The following C1orf94 variants were observed in gnomAD, a reference collection of about 807,000 sequenced individuals.
C1orf94 encodes the protein uncharacterized protein C1orf94.
In C1orf94, 45 loss-of-function variants were observed where a neutral mutation model predicts 53.6. That is an observed-to-expected ratio of 0.84 (90% CI 0.66 to 1.08). C1orf94 has a LOEUF of 1.08. C1orf94 is among the 50% of genes least tolerant of loss of function. C1orf94 has a pLI of 0.00. For missense variants in C1orf94, 762 were observed against 738.9 expected (o/e 1.03, Z -0.36); for synonymous variants, 304 against 296.1 (o/e 1.03, Z -0.27).
chr1:34,216,183 TC>T (rs1362810537), intron 6 of C1orf94, among the ~76,000 whole-genome samples: 1 of 152,116 alleles, frequency 6.6e-6, no homozygotes, highest in Non-Finnish European at 1.5e-5. Flanking sequence ...AGTCTGGAAC[TC>T]AGGGGAGAGG....
Position 34,181,335 on chromosome 1 carries a change from C to T in C1orf94, c.320+3226C>T, listed in dbSNP as rs565536876. 7.9e-5 allele frequency among the ~76,000 whole-genome samples: 12 copies of T among 152,262 alleles called. No individual in the cohort carries two copies. The South Asian group carries it at 2.5e-3, about 32-fold the overall frequency. On this transcript the variant is annotated intron_variant, in intron 1 of 6. Transcript: ENST00000488417. ...CTTGTGGCAGTGTAACTTTGAAAGC[C>T]AAGTACAATAATCCAGGGGTGATCC...
intron 4 of C1orf94, among the ~76,000 whole-genome samples, chr1:34,204,525 TG>T (rs1251561981): frequency 6.6e-6 from 1 of 152,190 alleles, no homozygotes; most frequent in African/African-American, 2.4e-5. Context: ...ACACAGGTCT[TG>T]AAATGTCCTG....
At position 34,194,148 on chromosome 1, in the gene C1orf94, C is replaced by G. The variant is rs80034814; in HGVS notation, c.321-3077C>G. ...CCTGTGAGGAAAAGTTGTGCAGAGG[C>G]ACATATGGGTGCATCGTAACTAAGA... On this transcript the variant is annotated intron_variant, in intron 1 of 6. Coordinates refer to ENST00000488417, the MANE Select transcript of C1orf94 (RefSeq NM_001134734.2). Among the ~76,000 whole-genome samples the G allele has an allele frequency of 6.9e-3, 1,044 of 152,262 alleles. 13 individuals are homozygous for G. The highest frequency in any genetic ancestry group is 0.024 in the African/African-American group (998 of 41,550).
chr1:34,183,620 C>T (rs771939018), intron 1 of C1orf94, among the ~76,000 whole-genome samples: 11 of 152,020 alleles, frequency 7.2e-5, no homozygotes, highest in Non-Finnish European at 1.5e-4. Flanking sequence ...TTTGGGAGGC[C>T]GAGGTGGGTG....
rs530748348 is a variant in C1orf94, at chr1:34,209,502, C to T, written c.1524+1268C>T. 2.0e-5 allele frequency among the ~76,000 whole-genome samples: 3 copies of T among 152,232 alleles called. No homozygotes were observed. In the East Asian group the frequency reaches 5.8e-4, roughly 29 times the overall value. On this transcript the variant is annotated intron_variant, in intron 5 of 6. Coordinates refer to ENST00000488417, the MANE Select transcript of C1orf94 (RefSeq NM_001134734.2). ...GCAGAGGGCACCAACACCCAGCCTG[C>T]CATAGCACCAGGCTGGCCTTGCTCC...
At chr1:34,208,097 C>G in intron 4 of C1orf94, 60 bp from the exon 5 acceptor site, 1 of 1,536,470 alleles carries the variant, frequency 6.5e-7, no homozygotes, top group South Asian at 1.1e-5. Flanking sequence ...AGCTGAGTAG[C>G]TGATGCCTTC....
At chr1:34,195,776 G>T (rs570335291) in intron 1 of C1orf94, among the ~76,000 whole-genome samples, 3 of 136,606 alleles carry the variant, frequency 2.2e-5, no homozygotes, top group Admixed American at 1.5e-4. Flanking sequence ...GTTTCTGTTC[G>T]TGGGTGTGTG....
intron 6 of C1orf94, among the ~76,000 whole-genome samples, chr1:34,212,877 A>C (rs1280897202): frequency 1.3e-5 from 2 of 152,156 alleles, no homozygotes; most frequent in African/African-American, 4.8e-5. Flanking sequence ...TCGACTGCTT[A>C]TCAGGGCTGC....
chr1:34,197,431 C>A lies in C1orf94; in HGVS notation c.527C>A (p.Ala176Asp). 6.2e-7 allele frequency: 1 copy of A among 1,613,976 alleles called. No individual in the cohort carries two copies. Among genetic ancestry groups the A allele is most frequent in the Non-Finnish European group, 8.5e-7 (1 of 1,179,900 alleles). ...GCAGGCAGTAATGAGCGCCCCAGAG[C>A]CTCCATCATTGTCGGAGACAAGCTT... ...LVAGSNERPR[A>D]SIIVGDKLLK... Residue 176 changes from alanine (A) to aspartate (D), a missense_variant, in exon 2 of 7, where the codon GCC (alanine) becomes GAC (aspartate). By Grantham distance (126) the Ala-to-Asp change is moderately radical. Coordinates refer to ENST00000488417, the MANE Select transcript of C1orf94 (RefSeq NM_001134734.2). This position sits in a 1 kb window ranked among gnomAD's most constrained non-coding sequence, Gnocchi z 4.1.
chr1:34,182,358 G>T (rs779107719), intron 1 of C1orf94, among the ~76,000 whole-genome samples: 2 of 152,158 alleles, frequency 1.3e-5, no homozygotes, highest in African/African-American at 4.8e-5. Flanking sequence ...GGATCACTGC[G>T]GGGAGTTCAG....
At chr1:34,185,256 T>G (rs1161906461) in intron 1 of C1orf94, among the ~76,000 whole-genome samples, 1 of 152,192 alleles carries the variant, frequency 6.6e-6, no homozygotes, top group East Asian at 1.9e-4. Context: ...CTTGGCTCAC[T>G]GCAACCTCCA....
In C1orf94 at chr1:34,168,417, G is replaced by T. The variant is rs554390183; in HGVS notation, c.-251+1246G>T. Among the ~76,000 whole-genome samples the T allele has an allele frequency of 4.6e-5, 7 of 152,200 alleles. No homozygotes were observed. In the East Asian group the frequency reaches 1.4e-3, roughly 29 times the overall value. ...AGGGGGCCAGGAGGAGGAGGATGGGGCTGGATCCAGGTAAGCAATGGGAGA... is the reference window on the plus strand; with the variant it reads ...AGGGGGCCAGGAGGAGGAGGATGGGTCTGGATCCAGGTAAGCAATGGGAGA... On this transcript the variant is annotated intron_variant, in intron 1 of 6. Transcript: ENST00000373374.
intron 4 of C1orf94, among the ~76,000 whole-genome samples, chr1:34,206,961 C>A (rs1050558998): frequency 6.6e-6 from 1 of 152,110 alleles, no homozygotes; most frequent in Non-Finnish European, 1.5e-5. Context: ...CTCTTGGGGA[C>A]CTGGAAGATG....
chr1:34,207,175 C>T (rs138250840), intron 4 of C1orf94, among the ~76,000 whole-genome samples: 45 of 152,096 alleles, frequency 3.0e-4, no homozygotes, highest in African/African-American at 1.0e-3. Flanking sequence ...GGGTTTTGAG[C>T]CTCATCTTAA....
At chr1:34,204,814 G>C (rs892025070) in intron 4 of C1orf94, among the ~76,000 whole-genome samples, 2 of 151,832 alleles carry the variant, frequency 1.3e-5, no homozygotes, top group Admixed American at 1.3e-4. Context: ...AGAATTGCTT[G>C]AGCTCAGGTG....
At chr1:34,168,281 GAATT>G (rs551087299) in intron 1 of C1orf94, among the ~76,000 whole-genome samples, 11 of 152,150 alleles carry the variant, frequency 7.2e-5, no homozygotes, top group South Asian at 2.1e-4. Context: ...ATCTGTCTAT[GAATT>G]AATTAATTAA....
chr1:34,184,834 G>T (rs369372936), intron 1 of C1orf94, among the ~76,000 whole-genome samples: 56 of 147,850 alleles, frequency 3.8e-4, no homozygotes, highest in African/African-American at 9.2e-4. Flanking sequence ...GTTTTTTTTG[G>T]TTTTTTTTTT....
chr1:34,195,221 C>G (rs1642559838), intron 1 of C1orf94, among the ~76,000 whole-genome samples: 1 of 152,194 alleles, frequency 6.6e-6, no homozygotes, highest in African/African-American at 2.4e-5. Flanking sequence ...CTAATGCTCA[C>G]AGCTGACACT....
At chr1:34,198,669 G>T (rs560393410) in intron 2 of C1orf94, among the ~76,000 whole-genome samples, 1 of 152,358 alleles carries the variant, frequency 6.6e-6, no homozygotes, top group East Asian at 1.9e-4. Flanking sequence ...TTTCCTCTGG[G>T]CTATGAGCAT....
Sources: gnomAD v4.1 joint callset for allele counts (sites outside exome capture counted in the v4.1 genomes callset) on GRCh38, gnomAD v4.1.1 for gene constraint, Gnocchi (gnomAD v3.1) non-coding constraint, MANE v1.5 for transcripts, NCBI Gene and HGNC (gene_info 2026-07-23, HGNC 2026-07-21) for gene names.